Variants in MAD1L1 observed in about 807,000 individuals in gnomAD.
MAD1L1 encodes mitotic arrest deficient 1 like 1, also known as mitotic spindle assembly checkpoint protein MAD1.
In MAD1L1, 95 loss-of-function variants were observed where a neutral mutation model predicts 96.9. That is an observed-to-expected ratio of 0.98 (90% confidence interval 0.83 to 1.16). The LOEUF is 1.16. Among genes scored for constraint, MAD1L1 ranks in the 50% most tolerant of loss-of-function variants. MAD1L1 has a pLI of 0.00. For missense variants in MAD1L1, 1,007 were observed against 954.4 expected, an observed-to-expected ratio of 1.06 and a Z score of -0.73; for synonymous variants, 473 against 396.6, an observed-to-expected ratio of 1.19 and a Z score of -2.29.
intron 11 of MAD1L1, among the ~76,000 whole-genome samples, chr7:2,069,860 T>G (rs1292937072): frequency 6.6e-6 from 1 of 152,250 alleles, no homozygotes; most frequent in African/African-American, 2.4e-5. Context: ...GGCCTCTCCC[T>G]GTCCGCCCCT....
chr7:1,913,440 A>AAAAGGGAGC (rs1788148313), intron 17 of MAD1L1, among the ~76,000 whole-genome samples: 7 of 3,142 alleles, frequency 2.2e-3, no homozygotes, highest in African/African-American at 3.0e-3. Flanking sequence ...CCCGGCCTGG[A>AAAAGGGAGC]GAAGGGAACC....
At chr7:2,169,060 G>C (rs369962316) in intron 10 of MAD1L1, among the ~76,000 whole-genome samples, 2 of 152,206 alleles carry the variant, frequency 1.3e-5, no homozygotes, top group East Asian at 3.8e-4. Context: ...GCGCTGTTCA[G>C]AACAGGAAGA....
intron 12 of MAD1L1, among the ~76,000 whole-genome samples, chr7:2,026,402 G>GA (rs1361478310): frequency 6.6e-6 from 1 of 152,272 alleles, no homozygotes; most frequent in Non-Finnish European, 1.5e-5. Flanking sequence ...CAGGAGCTGA[G>GA]AAAAAACATC....
chr7:2,202,717 C>G (rs947948825), intron 10 of MAD1L1, among the ~76,000 whole-genome samples: 1 of 152,204 alleles, frequency 6.6e-6, no homozygotes, highest in Non-Finnish European at 1.5e-5. Context: ...ACCACCAGGG[C>G]GTCTGGTATT....
chr7:1,869,415 G>A (rs980842598), intron 18 of MAD1L1, among the ~76,000 whole-genome samples: 1 of 152,016 alleles, frequency 6.6e-6, no homozygotes, highest in African/African-American at 2.4e-5. Context: ...AACTCCCCAG[G>A]TTTCCTTAAA....
At chr7:2,162,671 AAG>A (rs1324498551) in intron 10 of MAD1L1, among the ~76,000 whole-genome samples, 33 of 151,768 alleles carry the variant, frequency 2.2e-4, no homozygotes, top group Admixed American at 7.2e-4. Context: ...GGAAAACACA[AAG>A]AATAAAAATA....
chr7:2,055,669 CA>C (rs35707803), intron 12 of MAD1L1, among the ~76,000 whole-genome samples: 3,502 of 90,490 alleles, frequency 0.039, 130 homozygotes, highest in African/African-American at 0.12. Context: ...GACCCTGTCT[CA>C]AAAAAAAAAA....
intron 18 of MAD1L1, chr7:1,829,359 A>G (rs12537479): frequency 0.62 from 94,013 of 152,280 alleles, 29,200 homozygotes; most frequent in Middle Eastern, 0.71. Flanking sequence ...GCCAGCTGCC[A>G]TGCGTGAGCG....
At chr7:2,226,234 T>C (rs1280302062) in intron 3 of MAD1L1, among the ~76,000 whole-genome samples, 2 of 152,232 alleles carry the variant, frequency 1.3e-5, no homozygotes, top group Non-Finnish European at 2.9e-5. Flanking sequence ...CTTAATTACA[T>C]CTGCACAATC....
intron 13 of MAD1L1, among the ~76,000 whole-genome samples, chr7:2,002,986 G>A (rs935872121): frequency 6.9e-3 from 18 of 2,592 alleles, no homozygotes; most frequent in African/African-American, 0.021. Context: ...AACACATTGC[G>A]GCTCTGTCCT....
intron 18 of MAD1L1, among the ~76,000 whole-genome samples, chr7:1,824,971 C>T (rs1444188915): frequency 6.7e-6 from 1 of 150,370 alleles, no homozygotes; most frequent in East Asian, 2.0e-4. Context: ...CACACTCTCA[C>T]ACCCACACTC....
At chr7:2,076,594 C>T (rs1369717223) in intron 11 of MAD1L1, among the ~76,000 whole-genome samples, 2 of 152,210 alleles carry the variant, frequency 1.3e-5, no homozygotes, top group Admixed American at 6.5e-5. Context: ...GGGGTCACAC[C>T]GAGGCTTCCG....
At chr7:2,067,171 A>G (rs2128527696) in intron 12 of MAD1L1, among the ~76,000 whole-genome samples, 1 of 151,488 alleles carries the variant, frequency 6.6e-6, no homozygotes, top group Middle Eastern at 3.4e-3. Flanking sequence ...GTTCGCAGGC[A>G]CCCGGGGTCA....
chr7:2,032,938 C>T (rs921322436), intron 12 of MAD1L1, among the ~76,000 whole-genome samples: 2 of 152,236 alleles, frequency 1.3e-5, no homozygotes, highest in African/African-American at 4.8e-5. Context: ...GGGCAAGGCG[C>T]CCCCGCAGAA....
chr7:1,874,371 AGACGTTGCAGCAGCACCGG>A (rs1785266487), intron 18 of MAD1L1: 1 of 371,160 alleles, frequency 2.7e-6, no homozygotes, highest in East Asian at 7.4e-5. Flanking sequence ...TCTCAGGAGG[AGACGTTGCAGCAGCACCGG>A]GACGGGGGTA....
rs560509748 is a variant in MAD1L1 at position 2,122,260 on chromosome 7, G to A, written c.1073+26892C>T. On this transcript the variant is annotated intron_variant, in intron 11 of 18. Coordinates refer to ENST00000265854, the MANE Select transcript of MAD1L1 (RefSeq NM_001013836.2). The stretch of plus-strand genomic sequence containing the variant: ...TGCCCGCGTCAGACCTGTCCACCTC[G>A]TGTGCCTTGCCTAATCTCATACCTC... Among the ~76,000 whole-genome samples, 20 of 152,312 alleles carry A rather than the reference G, an allele frequency of 1.3e-4. No individual in the cohort carries two copies. In the South Asian group the frequency reaches 3.1e-3, roughly 24 times the overall value.
chr7:2,161,174 C>CT (rs530763254), intron 10 of MAD1L1, among the ~76,000 whole-genome samples: 3,651 of 143,102 alleles, frequency 0.026, 88 homozygotes, highest in South Asian at 0.071. Context: ...CTGGACTGTA[C>CT]TGCCGCCATC....
At chr7:1,902,781 C>T (rs1236082617) in intron 17 of MAD1L1, among the ~76,000 whole-genome samples, 10 of 152,178 alleles carry the variant, frequency 6.6e-5, no homozygotes, top group East Asian at 1.9e-4. Flanking sequence ...CTACGGAAGA[C>T]GATCTTGCGG....
At chr7:2,157,235 G>A (rs145830274) in intron 10 of MAD1L1, among the ~76,000 whole-genome samples, 119 of 152,276 alleles carry the variant, frequency 7.8e-4, no homozygotes, top group African/African-American at 2.6e-3. Context: ...GTAAGAAGGC[G>A]ATGGGAACAC....
Sources: gnomAD v4.1 joint callset for allele counts (sites outside exome capture counted in the v4.1 genomes callset) on GRCh38, gnomAD v4.1.1 for gene constraint, MANE v1.5 for transcripts, NCBI Gene and HGNC (gene_info 2026-07-23, HGNC 2026-07-21) for gene names.